The following FBXL16 variants were observed in gnomAD, a reference collection of about 807,000 sequenced individuals.
The protein encoded by FBXL16 is F-box and leucine rich repeat protein 16.
In FBXL16, 7 loss-of-function variants were observed where a neutral mutation model predicts 36.7. The ratio of observed to expected loss-of-function variants is 0.19; its 90% CI spans 0.11 to 0.36. The LOEUF (loss-of-function observed/expected upper bound fraction) is 0.36, where lower values mean the gene tolerates loss of function less well. Among genes scored for constraint, FBXL16 ranks in the 10% least tolerant of loss-of-function variants. The probability of loss-of-function intolerance (pLI) is 1.00; values close to 1 mark genes in which losing one functional copy is unlikely to be tolerated. For missense variants in FBXL16, 463 were observed against 659.4 expected (o/e 0.70, Z 3.26); for synonymous variants, 355 against 308.7 (o/e 1.15, Z -1.57).
chr16:702,040 G>C (rs2040061127), intron 1 of FBXL16, among the ~76,000 whole-genome samples: 1 of 152,296 alleles, frequency 6.6e-6, no homozygotes, highest in African/African-American at 2.4e-5. Flanking sequence ...AGTGAGCCTA[G>C]GGAGCACGGT....
At chr16:696,182 G>A (rs932772229) in intron 2 of FBXL16, among the ~76,000 whole-genome samples, 8 of 152,102 alleles carry the variant, frequency 5.3e-5, no homozygotes, top group Non-Finnish European at 7.4e-5. Context: ...TCCTTTCCCA[G>A]CTGCCCCTCA....
chr16:701,163 G>C (rs944190551), intron 1 of FBXL16, among the ~76,000 whole-genome samples: 11 of 152,298 alleles, frequency 7.2e-5, no homozygotes, highest in Admixed American at 6.5e-4. Context: ...TCAGGGTCGA[G>C]ATGGAGAAAC....
chr16:703,097 T>C (rs2040068454), intron 1 of FBXL16, among the ~76,000 whole-genome samples: 1 of 152,200 alleles, frequency 6.6e-6, no homozygotes, highest in Admixed American at 6.5e-5. Context: ...TCCCTCTACC[T>C]GGGTCCTGCC....
In FBXL16 at chr16:694,662, C is replaced by T. The variant is rs763738253; in HGVS notation, c.1263G>A (p.Leu421=). 3.1e-6 allele frequency: 5 copies of T among 1,609,992 alleles called. No homozygotes were observed. Among genetic ancestry groups the T allele is most frequent in the African/African-American group, 2.7e-5 (2 of 74,874 alleles). Residue 421 remains leucine, a synonymous_variant, in exon 5 of 6, where the codon CTG becomes CTA. Coordinates refer to ENST00000397621, the MANE Select transcript of FBXL16 (RefSeq NM_153350.4). ...CCAGAGACAGGAGGCGCAAACTCCC[C>T]AGGGCCAGGAGGTGCTTCAGCCCGA... ...QDFGLKHLLA[L]GSLRLLSLAG...
Position 695,932 on chromosome 16 carries a change from G to C in FBXL16, c.634-9C>G, listed in dbSNP as rs113497984. 2 of 1,568,308 alleles carry C rather than the reference G, an allele frequency of 1.3e-6. No homozygotes were observed. Among genetic ancestry groups the C allele is most frequent in the Admixed American group, 1.8e-5 (1 of 57,066 alleles). On this transcript the variant is annotated splice_polypyrimidine_tract_variant and intron_variant, in intron 2 of 5. Coordinates refer to ENST00000397621, the MANE Select transcript of FBXL16 (RefSeq NM_153350.4). ...ATCTGTTCAAGCATAACCTGCAGGC[G>C]GGCGGGCGCCGGGTCAGGATTGCAG...
chr16:698,929 A>AAG (rs1555479485), intron 1 of FBXL16, among the ~76,000 whole-genome samples: 329 of 87,778 alleles, frequency 3.7e-3, no homozygotes, highest in African/African-American at 0.012. Flanking sequence ...AAAAAAAAAA[A>AAG]AAAGAAAGAA....
chr16:695,111 A>C, intron 3 of FBXL16, 35 bp from the exon 4 acceptor site: 7 of 1,580,896 alleles, frequency 4.4e-6, no homozygotes, highest in Non-Finnish European at 6.0e-6. Flanking sequence ...CCACCTTCAA[A>C]TCACCTGGCC....
intron 1 of FBXL16, among the ~76,000 whole-genome samples, chr16:699,252 G>A (rs1372687665): frequency 6.6e-6 from 1 of 152,260 alleles, no homozygotes; most frequent in Non-Finnish European, 1.5e-5. Flanking sequence ...TCCACGCACA[G>A]GGTGGAGTGG....
intron 2 of FBXL16, among the ~76,000 whole-genome samples, chr16:696,246 T>TATTCATTC (rs146961592): frequency 3.5e-4 from 52 of 150,564 alleles, no homozygotes; most frequent in South Asian, 1.9e-3. Flanking sequence ...TTTATTTATT[T>TATTCATTC]ATTCATTCAT....
chr16:694,331 G>A lies in FBXL16; in HGVS notation c.1384C>T (p.Pro462Ser). 6.6e-7 allele frequency: 1 copy of A among 1,512,422 alleles called. No homozygotes were observed. Among genetic ancestry groups the A allele is most frequent in the Non-Finnish European group, 8.8e-7 (1 of 1,136,678 alleles). 93.7% of individuals were successfully genotyped at this position (1,512,422 alleles called of 1,614,324 possible). ...TGCGAGAAATACTTGAAGAGCTCGG[G>A]GGTGGCCCCGGGGCAGTTGGTCAGC... Reference protein sequence around the residue: ...LELTNCPGATPELFKYFSQHL... With the variant: ...LELTNCPGATSELFKYFSQHL... Residue 462 changes from proline (P) to serine (S), a missense_variant, in exon 6 of 6, where the codon CCC becomes TCC. Pro to Ser is a moderately conservative substitution (Grantham distance 74). Transcript: ENST00000397621.
Position 695,943 on chromosome 16 carries a change from G to A in FBXL16, c.634-20C>T, listed in dbSNP as rs370288425. ...CATAACCTGCAGGCGGGCGGGCGCC[G>A]GGTCAGGATTGCAGGAGAAGGGGTG... On this transcript the variant is annotated intron_variant, in intron 2 of 5. Transcript: ENST00000397621. 1.6e-5 allele frequency: 25 copies of A among 1,560,778 alleles called. No individual in the cohort carries two copies. The highest frequency in any genetic ancestry group is 1.9e-5 in the Non-Finnish European group (22 of 1,149,262).
rs769772073 is a variant in FBXL16 at position 697,417 on chromosome 16, G to A, written c.-12C>T. On this transcript the variant is annotated splice_region_variant and 5_prime_UTR_variant, in exon 2 of 6. Coordinates refer to ENST00000397621, the MANE Select transcript of FBXL16 (RefSeq NM_153350.4). The surrounding 1 kb of genome is among the most constrained non-coding windows in gnomAD (Gnocchi z 4.6). ...CCCGGGCTCGACATCTTCCTGGCAC[G>A]CTCTGTGGATGAGGGCCGGGAGGGG... 33 of 1,528,428 alleles carry A rather than the reference G, an allele frequency of 2.2e-5. No homozygotes were observed. Among genetic ancestry groups the A allele is most frequent in the South Asian group, 1.8e-4 (15 of 83,050 alleles). The allele number at this position is 1,528,428 out of a possible 1,614,324, so 94.7% of individuals were successfully genotyped here.
intron 4 of FBXL16, 68 bp downstream of exon 4, chr16:694,924 G>C: frequency 6.9e-7 from 1 of 1,439,572 alleles, no homozygotes. Context: ...TCTGAGTGGG[G>C]CCGGGAGCTC....
At chr16:703,542 C>T (rs1318433578) in intron 1 of FBXL16, among the ~76,000 whole-genome samples, 1 of 152,242 alleles carries the variant, frequency 6.6e-6, no homozygotes, top group African/African-American at 2.4e-5. Flanking sequence ...TGGCTGACAG[C>T]TGGGGTGGCT....
chr16:697,526 T>G lies in FBXL16; in HGVS notation c.-14-107A>C. 2.2e-6 allele frequency: 3 copies of G among 1,342,722 alleles called. No homozygotes were observed. Among genetic ancestry groups the G allele is most frequent in the Middle Eastern group, 2.7e-4 (1 of 3,760 alleles). The allele number at this position is 1,342,722 out of a possible 1,614,324, so 83.2% of individuals were successfully genotyped here. A position where few individuals can be genotyped will look rare whatever the true frequency, so the allele number is the denominator to read the frequency against. ...CTTCCCTCCTTGGGCGTCCCTATGGTGCTCCCAGAACCACCAGACAGAGAG... is the reference window on the plus strand; with the variant it reads ...CTTCCCTCCTTGGGCGTCCCTATGGGGCTCCCAGAACCACCAGACAGAGAG... On this transcript the variant is annotated intron_variant, in intron 1 of 5. Transcript: ENST00000397621. The surrounding 1 kb of genome is among the most constrained non-coding windows in gnomAD (Gnocchi z 4.6).
Position 694,066 on chromosome 16 carries a change from C to CCCG in FBXL16, c.*206_*208dup, listed in dbSNP as rs1330988580. 33 of 250,348 alleles carry CCCG rather than the reference C, an allele frequency of 1.3e-4. No individual in the cohort carries two copies. The highest frequency in any genetic ancestry group is 8.6e-4 in the South Asian group (5 of 5,786). The allele number at this position is 250,348 out of a possible 1,614,324, so 15.5% of individuals were successfully genotyped here. A position where few individuals can be genotyped will look rare whatever the true frequency, so the allele number is the denominator to read the frequency against. ...TGCGTGCGTGCGTGGGGCGGGCCCA[C>CCCG]CCGCCGCCCCCCTGCCCGGGGCGGG... On this transcript the variant is annotated 3_prime_UTR_variant, in exon 6 of 6. Coordinates refer to ENST00000397621, the MANE Select transcript of FBXL16 (RefSeq NM_153350.4).
intron 1 of FBXL16, among the ~76,000 whole-genome samples, chr16:699,313 GGGGGC>G (rs2040039203): frequency 6.6e-6 from 1 of 152,378 alleles, no homozygotes; most frequent in African/African-American, 2.4e-5. Context: ...GTGGGTGGCA[GGGGGC>G]ACTGGGCACA....
chr16:695,691 G>T lies in FBXL16; in HGVS notation c.866C>A (p.Thr289Lys). The T allele has an allele frequency of 1.2e-6, 2 of 1,605,514 alleles. No individual in the cohort carries two copies. Among genetic ancestry groups the T allele is most frequent in the South Asian group, 1.1e-5 (1 of 90,976 alleles). ...GTGCGTGCTGTGGCCCTGGCGCGCC[G>T]TGAAGTAGGCCAGCGCCGTGTCCGT... is the stretch of plus-strand genomic sequence containing the variant. ...HVTDTALAYF[T>K]ARQGHSTHTL... The change falls in exon 3 of 6, where the codon ACG becomes AAG. Residue 289 changes from threonine to lysine, a missense_variant. Coordinates refer to ENST00000397621, the MANE Select transcript of FBXL16 (RefSeq NM_153350.4).
chr16:703,436 T>C lies in FBXL16; in HGVS notation c.-15+2076A>G, dbSNP rs943346200. Among the ~76,000 whole-genome samples, 3 of 152,272 alleles carry C rather than the reference T, an allele frequency of 2.0e-5. No homozygotes were observed. The East Asian group carries it at 5.8e-4, about 29-fold the overall frequency. On this transcript the variant is annotated intron_variant, in intron 1 of 5. Coordinates refer to ENST00000397621, the MANE Select transcript of FBXL16 (RefSeq NM_153350.4). ...AGCCCTCATAGAACCTCAGGGACCA[T>C]TGAGCCCTGCCTGCAGAGGGCCTTA...
Sources: gnomAD v4.1 joint callset for allele counts (sites outside exome capture counted in the v4.1 genomes callset) on GRCh38, gnomAD v4.1.1 for gene constraint, Gnocchi (gnomAD v3.1) non-coding constraint, MANE v1.5 for transcripts, NCBI Gene and HGNC (gene_info 2026-07-23, HGNC 2026-07-21) for gene names.